Variants in DPH6 observed in about 807,000 individuals in gnomAD.
DPH6 encodes diphthamine biosynthesis 6.
In DPH6, 33 loss-of-function variants were observed where a neutral mutation model predicts 38.2. The observed-to-expected ratio is 0.86, with a 90% CI of 0.65 to 1.15. The LOEUF (loss-of-function observed/expected upper bound fraction) is 1.15. Ranked by LOEUF, DPH6 falls within the 50% of genes most tolerant of loss-of-function variation. The pLI, the probability that DPH6 is intolerant of heterozygous loss-of-function variation, is 0.00. For missense variants in DPH6, 325 were observed against 320.0 expected (o/e 1.02, Z -0.12); for synonymous variants, 108 against 103.0 (o/e 1.05, Z -0.30).
intron 3 of DPH6, among the ~76,000 whole-genome samples, chr15:35,351,991 A>G (rs2140892505): frequency 6.6e-6 from 1 of 152,274 alleles, no homozygotes; most frequent in East Asian, 1.9e-4. Flanking sequence ...AAGTGCTGGC[A>G]TTATAGCTGT....
intron 3 of DPH6, among the ~76,000 whole-genome samples, chr15:35,340,260 CCTA>C (rs1470306320): frequency 1.4e-5 from 1 of 71,072 alleles, no homozygotes; most frequent in Non-Finnish European, 2.7e-5. Context: ...TTATTTTGAG[CCTA>C]TTTGTGTTTC....
intron 3 of DPH6, chr15:35,282,927 C>T: frequency 5.8e-6 from 2 of 344,488 alleles, no homozygotes; most frequent in Non-Finnish European, 1.2e-5. Context: ...ATCAACAATA[C>T]TTGGGTTTGC....
intron 3 of DPH6, chr15:35,299,226 T>C (rs1428057874): frequency 2.5e-6 from 3 of 1,206,894 alleles, no homozygotes; most frequent in African/African-American, 1.5e-5. Flanking sequence ...AGCTGGCACA[T>C]GCGGTGGTGT....
chr15:35,534,922 C>A (rs759050565), intron 3 of DPH6, among the ~76,000 whole-genome samples: 1 of 152,208 alleles, frequency 6.6e-6, no homozygotes, highest in Non-Finnish European at 1.5e-5. Context: ...AAGAGCTTAT[C>A]TTCTGCCAAC....
chr15:35,417,337 T>C (rs895065395), intron 5 of DPH6, among the ~76,000 whole-genome samples: 1 of 151,798 alleles, frequency 6.6e-6, no homozygotes, highest in Non-Finnish European at 1.5e-5. Context: ...AAGATTTTAG[T>C]TTTTTATTTT....
At chr15:35,173,984 T>C in the DPH6 span, among the ~76,000 whole-genome samples, 2 of 152,316 alleles carry the variant, frequency 1.3e-5, no homozygotes, top group African/African-American at 4.8e-5. Flanking sequence ...GTTTATGATA[T>C]GTAACTGAAC....
intron 3 of DPH6, chr15:35,520,952 A>G: frequency 1.0e-5 from 10 of 985,242 alleles, no homozygotes; most frequent in Non-Finnish European, 1.2e-5. Flanking sequence ...CTCTGAAATC[A>G]AAGTGCAGAA....
intron 6 of DPH6, chr15:35,396,193 T>C (rs1481035089): frequency 1.3e-5 from 2 of 152,182 alleles, no homozygotes; most frequent in Non-Finnish European, 2.9e-5. Flanking sequence ...TCAAAATCTC[T>C]CACAATATGG....
chr15:35,355,538 C>G (rs1260438696), intron 3 of DPH6, among the ~76,000 whole-genome samples: 2 of 152,174 alleles, frequency 1.3e-5, no homozygotes, highest in Non-Finnish European at 2.9e-5. Context: ...TTCTCCTCCA[C>G]TTATGAAGTT....
intron 6 of DPH6, among the ~76,000 whole-genome samples, chr15:35,395,546 A>C (rs1455019831): frequency 6.6e-6 from 1 of 152,080 alleles, no homozygotes; most frequent in South Asian, 2.1e-4. Context: ...TTTAGACCAA[A>C]TTTCTTTGTT....
intron 3 of DPH6, among the ~76,000 whole-genome samples, chr15:35,504,029 A>G (rs181738634): frequency 3.2e-4 from 49 of 152,216 alleles, no homozygotes; most frequent in Non-Finnish European, 1.5e-5. Context: ...TTTTAGTGTC[A>G]CTATCTTCTA....
intron 6 of DPH6, among the ~76,000 whole-genome samples, chr15:35,404,601 A>G (rs2140983732): frequency 6.6e-6 from 1 of 152,194 alleles, no homozygotes; most frequent in East Asian, 1.9e-4. Flanking sequence ...GAGTTGTATA[A>G]GCTCCTTCTA....
intron 3 of DPH6, among the ~76,000 whole-genome samples, chr15:35,231,424 T>C (rs1177701552): frequency 6.6e-6 from 1 of 152,246 alleles, no homozygotes; most frequent in Non-Finnish European, 1.5e-5. Flanking sequence ...CTATTTCTTC[T>C]ACCTCTTCAG....
At chr15:35,542,607 C>T (rs567360850) in intron 1 of DPH6, 100 bp from the exon 2 acceptor site, 1 of 1,141,032 alleles carries the variant, frequency 8.8e-7, no homozygotes, top group Admixed American at 1.9e-5. Context: ...TTACTTGACT[C>T]TTCAGAATAT....
chr15:35,261,927 C>T (rs2051749640), intron 3 of DPH6, among the ~76,000 whole-genome samples: 1 of 152,084 alleles, frequency 6.6e-6, no homozygotes, highest in South Asian at 2.1e-4. Context: ...ATAGTTTCAC[C>T]TGAAGCTACA....
intron 3 of DPH6, among the ~76,000 whole-genome samples, chr15:35,508,588 C>T (rs2054727371): frequency 6.6e-6 from 1 of 152,056 alleles, no homozygotes; most frequent in African/African-American, 2.4e-5. Context: ...CATATGCCTA[C>T]CCCAAAACAC....
At chr15:35,369,473 T>C (rs1044392227), downstream of DPH6, among the ~76,000 whole-genome samples, 1 of 151,742 alleles carries the variant, frequency 6.6e-6, no homozygotes, top group Non-Finnish European at 1.5e-5. Flanking sequence ...CTTCATTTTC[T>C]GTCTAAAGAA....
intron 6 of DPH6, among the ~76,000 whole-genome samples, chr15:35,382,134 A>T (rs986994086): frequency 5.9e-5 from 9 of 151,440 alleles, no homozygotes; most frequent in South Asian, 2.1e-4. Context: ...CAAAACTCTT[A>T]AAAAAAAATA....
rs185106609 is a variant in DPH6 at position 35,385,680 on chromosome 15, T to G, written c.568-3764A>C. Among the ~76,000 whole-genome samples the G allele has an allele frequency of 8.9e-3, 1,360 of 152,074 alleles. 12 individuals are homozygous for G. The highest frequency in any genetic ancestry group is 0.014 in the Non-Finnish European group (975 of 67,982). On this transcript the variant is annotated intron_variant, in intron 6 of 8. Coordinates refer to ENST00000256538, the MANE Select transcript of DPH6 (RefSeq NM_080650.4). ...CCTAATGTAGATAACAGGTTGATGG[T>G]TGCAGCAAACCACCATGGCATGTGT...
Sources: allele counts gnomAD v4.1 joint callset (sites outside exome capture counted in the v4.1 genomes callset), GRCh38; gene constraint gnomAD v4.1.1; transcripts MANE v1.5; gene names NCBI Gene and HGNC (gene_info 2026-07-23, HGNC 2026-07-21).